Variants in BARHL2 observed in about 807,000 individuals in gnomAD.
BARHL2 encodes barH-like 2 homeobox protein.
In BARHL2, 10 loss-of-function variants were observed where a neutral mutation model predicts 27.1. That is an observed-to-expected ratio of 0.37 (90% CI 0.23 to 0.63). BARHL2 has a LOEUF of 0.63. Among genes scored for constraint, BARHL2 ranks in the 20% least tolerant of loss-of-function variants. The probability of loss-of-function intolerance (pLI) is 0.65; values close to 1 mark genes in which losing one functional copy is unlikely to be tolerated. For synonymous variants in BARHL2, 248 were observed against 224.7 expected (o/e 1.10, Z -0.93); for missense variants, 483 against 533.5 (o/e 0.91, Z 0.93).
chr1:90,714,394 C>G (rs1570607399), intron 2 of BARHL2, 137 bp downstream of exon 2: 1 of 823,420 alleles, frequency 1.2e-6, no homozygotes, highest in Non-Finnish European at 1.9e-6. Flanking sequence ...CTGCCCCATC[C>G]TTAAAGCACC....
intron 1 of BARHL2, among the ~76,000 whole-genome samples, chr1:90,716,092 T>G (rs1308228056): frequency 7.5e-6 from 1 of 133,670 alleles, no homozygotes; most frequent in East Asian, 2.4e-4. Flanking sequence ...CGATAATTCC[T>G]GTGATGATGT....
In BARHL2 at chr1:90,712,636, C is replaced by A. The variant is rs374223614; in HGVS notation, c.852-12G>T. 6.3e-7 allele frequency: 1 copy of A among 1,593,454 alleles called. No homozygotes were observed. Among genetic ancestry groups the A allele is most frequent in the Admixed American group, 1.7e-5 (1 of 59,082 alleles). On this transcript the variant is annotated splice_polypyrimidine_tract_variant and intron_variant, in intron 2 of 2. Coordinates refer to ENST00000370445, the MANE Select transcript of BARHL2 (RefSeq NM_020063.2). Reference sequence around the variant, plus strand: ...GCTTCCACTTGGTCCTGAAAGAAAGCGGGTGTGCAGGCACCCAGCAGCTGT... The same window carrying A: ...GCTTCCACTTGGTCCTGAAAGAAAGAGGGTGTGCAGGCACCCAGCAGCTGT...
In BARHL2 at chr1:90,712,060, A is replaced by G. The variant is rs7538780; in HGVS notation, c.*252T>C. Reference sequence around the variant, plus strand: ...TGGTTGCACTCTGTGTGGGGTCAGCATTTTCACCAGTCACACTGCTGTGGG... The same window carrying G: ...TGGTTGCACTCTGTGTGGGGTCAGCGTTTTCACCAGTCACACTGCTGTGGG... On this transcript the variant is annotated 3_prime_UTR_variant, in exon 3 of 3. Transcript: ENST00000370445. 1,294 of 386,182 alleles carry G rather than the reference A, an allele frequency of 3.4e-3. 15 individuals are homozygous for G. Among genetic ancestry groups the G allele is most frequent in the African/African-American group, 0.024 (1,176 of 48,372 alleles). 23.9% of individuals were successfully genotyped at this position (386,182 alleles called of 1,614,324 possible). A position where few individuals can be genotyped will look rare whatever the true frequency, so the allele number is the denominator to read the frequency against.
rs1245739290 is a variant in BARHL2, at chr1:90,712,166, G to A, written c.*146C>T. The A allele has an allele frequency of 3.4e-6, 3 of 890,236 alleles. No homozygotes were observed. Among genetic ancestry groups the A allele is most frequent in the Non-Finnish European group, 4.7e-6 (3 of 633,980 alleles). 55.1% of individuals were successfully genotyped at this position (890,236 alleles called of 1,614,324 possible). The stretch of plus-strand genomic sequence containing the variant: ...CCTCTTTGGGGGTCCCCTGCCCACT[G>A]GTAAGCATCTTCCTCTCTTACTCCT... On this transcript the variant is annotated 3_prime_UTR_variant, in exon 3 of 3. Coordinates refer to ENST00000370445, the MANE Select transcript of BARHL2 (RefSeq NM_020063.2).
At position 90,712,639 on chromosome 1, in the gene BARHL2, G is replaced by A; in HGVS notation, c.852-15C>T. ...TCCACTTGGTCCTGAAAGAAAGCGG[G>A]TGTGCAGGCACCCAGCAGCTGTGGG... On this transcript the variant is annotated splice_polypyrimidine_tract_variant and intron_variant, in intron 2 of 2. Transcript: ENST00000370445. The A allele has an allele frequency of 1.9e-6, 3 of 1,590,384 alleles. No individual in the cohort carries two copies. Among genetic ancestry groups the A allele is most frequent in the Non-Finnish European group, 2.6e-6 (3 of 1,165,920 alleles).
intron 2 of BARHL2, among the ~76,000 whole-genome samples, chr1:90,712,985 C>CTT (rs756339484): frequency 2.0e-5 from 3 of 152,172 alleles, no homozygotes; most frequent in Admixed American, 6.5e-5. Context: ...CAAGCAGTCA[C>CTT]TTTCCTCCTT....
At position 90,716,739 on chromosome 1, in the gene BARHL2, G is replaced by A. The variant is rs538941381; in HGVS notation, c.457C>T (p.Pro153Ser). ...CTGTAGGGTGCACATGCCGCCAGAG[G>A]TTTGCTGTCGCCCAAGATGTCCTTA... ...LIKDILGDSK[P>S]LAACAPYSTS... Residue 153 changes from proline (P) to serine (S), a missense_variant, in exon 1 of 3, where the codon CCT (proline) becomes TCT (serine). This residue lies in a region of BARHL2 where 304 missense variants were observed against 284.9 expected (regional missense o/e 1.07). Coordinates refer to ENST00000370445, the MANE Select transcript of BARHL2 (RefSeq NM_020063.2). The A allele has an allele frequency of 6.3e-7, 1 of 1,599,162 alleles. No homozygotes were observed. Among genetic ancestry groups the A allele is most frequent in the East Asian group, 2.3e-5 (1 of 44,312 alleles).
In BARHL2 at chr1:90,717,045, G is replaced by C; in HGVS notation, c.151C>G (p.Pro51Ala). The change falls in exon 1 of 3, where the codon CCC becomes GCC. Residue 51 changes from proline to alanine, a missense_variant. Physicochemically the swap from Pro to Ala is conservative, Grantham distance 27. This residue lies in a region of BARHL2 where 304 missense variants were observed against 284.9 expected (regional missense o/e 1.07). Transcript: ENST00000370445. ...ADFRSQATPS[P>A]CSEIDTVGTA... ...CCTACGGTATCAATCTCCGAACAGG[G>C]AGATGGGGTGGCCTGACTCCTAAAA... 6.2e-7 allele frequency: 1 copy of C among 1,613,976 alleles called. No homozygotes were observed. Among genetic ancestry groups the C allele is most frequent in the Non-Finnish European group, 8.5e-7 (1 of 1,179,982 alleles).
chr1:90,713,471 A>G (rs900502334), intron 2 of BARHL2, among the ~76,000 whole-genome samples: 1 of 152,162 alleles, frequency 6.6e-6, no homozygotes, highest in Non-Finnish European at 1.5e-5. Flanking sequence ...TGGGCCATCC[A>G]TACCCGGCAG....
rs1013009113 is a variant in BARHL2 at position 90,712,268 on chromosome 1, C to T, written c.*44G>A. On this transcript the variant is annotated 3_prime_UTR_variant, in exon 3 of 3. Transcript: ENST00000370445. ...AGGACGGGCAGCAGTCCGGGTTGGG[C>T]AGGGATATGGGGAAGGGATTGCAGT... 7 of 1,420,676 alleles carry T rather than the reference C, an allele frequency of 4.9e-6. No homozygotes were observed. In the Admixed American group the frequency reaches 1.7e-4, roughly 35 times the overall value. 88.0% of individuals were successfully genotyped at this position (1,420,676 alleles called of 1,614,324 possible).
intron 1 of BARHL2, among the ~76,000 whole-genome samples, chr1:90,715,794 G>A (rs1405100753): frequency 2.6e-5 from 4 of 151,752 alleles, no homozygotes; most frequent in African/African-American, 9.7e-5. Context: ...ATTGTCTGAT[G>A]AGAAAATGGA....
intron 2 of BARHL2, among the ~76,000 whole-genome samples, chr1:90,713,903 C>T (rs1307066253): frequency 6.6e-6 from 1 of 152,214 alleles, no homozygotes; most frequent in African/African-American, 2.4e-5. Context: ...ACCCACACTC[C>T]TTCCTTCTCC....
intron 1 of BARHL2, among the ~76,000 whole-genome samples, chr1:90,716,309 C>T (rs868080101): frequency 3.9e-5 from 6 of 152,176 alleles, no homozygotes; most frequent in Admixed American, 2.6e-4. Context: ...CCCCTCAACC[C>T]CCAGTAGATT....
intron 1 of BARHL2, among the ~76,000 whole-genome samples, chr1:90,716,088 T>A (rs1658138071): frequency 1.4e-5 from 2 of 138,328 alleles, no homozygotes; most frequent in African/African-American, 2.7e-5. Context: ...AAACCGATAA[T>A]TCCTGTGATG....
rs1658166924 is a variant in BARHL2 at position 90,717,050 on chromosome 1, G to A, written c.146C>T (p.Pro49Leu). The A allele has an allele frequency of 1.9e-6, 3 of 1,614,026 alleles. No homozygotes were observed. Among genetic ancestry groups the A allele is most frequent in the South Asian group, 2.2e-5 (2 of 91,050 alleles). The change falls in exon 1 of 3, where the codon CCA becomes CTA. Residue 49 changes from proline to leucine, a missense_variant. By Grantham distance (98) the Pro-to-Leu change is moderately conservative. This residue lies in a region of BARHL2 where 304 missense variants were observed against 284.9 expected (regional missense o/e 1.07). Coordinates refer to ENST00000370445, the MANE Select transcript of BARHL2 (RefSeq NM_020063.2). The stretch of plus-strand genomic sequence containing the variant: ...GGTATCAATCTCCGAACAGGGAGAT[G>A]GGGTGGCCTGACTCCTAAAATCCGC... ...RTADFRSQAT[P>L]SPCSEIDTVG...
At chr1:90,716,471 T>C in intron 1 of BARHL2, 100 bp downstream of exon 1, 1 of 1,319,606 alleles carries the variant, frequency 7.6e-7, no homozygotes, top group Non-Finnish European at 1.1e-6. Flanking sequence ...GAGAAGCTCC[T>C]GGAATCGCTC....
intron 2 of BARHL2, among the ~76,000 whole-genome samples, chr1:90,714,042 C>T (rs557946753): frequency 1.4e-3 from 208 of 152,350 alleles, no homozygotes; most frequent in African/African-American, 4.7e-3. Flanking sequence ...TCCCAGCCGC[C>T]TCACAGGCCA....
intron 2 of BARHL2, among the ~76,000 whole-genome samples, chr1:90,714,278 C>G (rs1004036332): frequency 6.6e-6 from 1 of 152,182 alleles, no homozygotes; most frequent in East Asian, 1.9e-4. Flanking sequence ...TCCAGCGGCT[C>G]GGGTTTCAGA....
At chr1:90,712,740 G>A (rs1182756040) in intron 2 of BARHL2, 116 bp from the exon 3 acceptor site, 18 of 1,095,666 alleles carry the variant, frequency 1.6e-5, no homozygotes, top group East Asian at 7.8e-5. Context: ...TGGGTGGCAG[G>A]AAGACTCAGA....
Sources: allele counts gnomAD v4.1 joint callset (sites outside exome capture counted in the v4.1 genomes callset), GRCh38; gene constraint gnomAD v4.1.1; regional missense constraint gnomAD v4.1.1; transcripts MANE v1.5; gene names NCBI Gene and HGNC (gene_info 2026-07-23, HGNC 2026-07-21).